The following KYNU variants were observed in gnomAD, a reference collection of about 807,000 sequenced individuals.
KYNU encodes kynureninase.
Under a neutral mutation model 59.2 loss-of-function variants are expected in KYNU, and 54 were observed. That is an observed-to-expected ratio of 0.91 (90% CI 0.73 to 1.14). KYNU has a LOEUF of 1.14. Among genes scored for constraint, KYNU ranks in the 50% most tolerant of loss-of-function variants. The probability of loss-of-function intolerance (pLI) is 0.00; values close to 1 mark genes in which losing one functional copy is unlikely to be tolerated. For synonymous variants in KYNU, 177 were observed against 192.0 expected, an observed-to-expected ratio of 0.92 and a Z score of 0.65; for missense variants, 567 against 554.4, an observed-to-expected ratio of 1.02 and a Z score of -0.23.
chr2:142,889,828 G>A (rs916717236), intron 2 of KYNU, among the ~76,000 whole-genome samples: 1 of 151,586 alleles, frequency 6.6e-6, no homozygotes, highest in African/African-American at 2.4e-5. Flanking sequence ...AAACAGAACA[G>A]AAATAAACAA....
At chr2:142,986,161 C>T in intron 10 of KYNU, 140 bp downstream of exon 10, 1 of 643,676 alleles carries the variant, frequency 1.6e-6, no homozygotes, top group Non-Finnish European at 2.8e-6. Flanking sequence ...ACTCTGCTAA[C>T]AACAATATAC....
intron 8 of KYNU, among the ~76,000 whole-genome samples, chr2:142,965,571 C>A (rs1429107844): frequency 1.3e-5 from 2 of 152,116 alleles, no homozygotes; most frequent in African/African-American, 2.4e-5. Flanking sequence ...ATCCAGAAAT[C>A]TCATTTCTAT....
chr2:142,915,223 C>T (rs1397320103), intron 2 of KYNU, among the ~76,000 whole-genome samples: 5 of 152,250 alleles, frequency 3.3e-5, no homozygotes, highest in East Asian at 1.9e-4. Flanking sequence ...TTAACTACTT[C>T]AGGAAACTGG....
chr2:143,035,711 C>T (rs968096521), intron 12 of KYNU, among the ~76,000 whole-genome samples: 1 of 152,212 alleles, frequency 6.6e-6, no homozygotes, highest in South Asian at 2.1e-4. Context: ...CCTGCCCCCA[C>T]CTTCCAGGTA....
intron 10 of KYNU, 27 bp downstream of exon 10, chr2:142,986,048 T>G: frequency 6.6e-7 from 1 of 1,515,998 alleles, no homozygotes; most frequent in Non-Finnish European, 9.2e-7. Flanking sequence ...GCTAATTCTT[T>G]GGTGATGAAC....
intron 2 of KYNU, among the ~76,000 whole-genome samples, chr2:142,887,258 C>T (rs1307668109): frequency 6.6e-6 from 1 of 152,130 alleles, no homozygotes; most frequent in Non-Finnish European, 1.5e-5. Context: ...GAGATATCAC[C>T]TCACACCCTT....
intron 10 of KYNU, among the ~76,000 whole-genome samples, chr2:143,021,927 C>A (rs1475318911): frequency 6.6e-6 from 1 of 152,046 alleles, no homozygotes; most frequent in Non-Finnish European, 1.5e-5. Flanking sequence ...GAATGCAGGT[C>A]TTGAACACTT....
chr2:142,935,936 G>A lies in KYNU; in HGVS notation c.373+8195G>A, dbSNP rs1253394130. On this transcript the variant is annotated intron_variant, in intron 4 of 13. Coordinates refer to ENST00000264170, the MANE Select transcript of KYNU (RefSeq NM_003937.3). Reference sequence around the variant, plus strand: ...GTACAGGCAATGCTAGAATTGTCCTGATGGGACGGTGTAGGAAAAGAAGTG... The same window carrying A: ...GTACAGGCAATGCTAGAATTGTCCTAATGGGACGGTGTAGGAAAAGAAGTG... Among the ~76,000 whole-genome samples the A allele has an allele frequency of 3.3e-5, 5 of 152,282 alleles. No homozygotes were observed. The East Asian group carries it at 5.8e-4, about 18-fold the overall frequency.
At chr2:143,002,785 C>A (rs1480174562) in intron 10 of KYNU, among the ~76,000 whole-genome samples, 1 of 152,044 alleles carries the variant, frequency 6.6e-6, no homozygotes, top group African/African-American at 2.4e-5. Flanking sequence ...AAATGCCAAG[C>A]AGTACATTTT....
chr2:142,943,063 G>A (rs1307219963), intron 4 of KYNU, among the ~76,000 whole-genome samples: 1 of 151,826 alleles, frequency 6.6e-6, no homozygotes, highest in Non-Finnish European at 1.5e-5. Flanking sequence ...TGCTGATCAC[G>A]AGTTTCAGGT....
chr2:143,028,243 C>CTTTTTTTTTTTT (rs754504556), intron 10 of KYNU, among the ~76,000 whole-genome samples: 9 of 90,442 alleles, frequency 1.0e-4, no homozygotes, highest in Admixed American at 5.1e-4. Context: ...ATTTTACATT[C>CTTTTTTTTTTTT]TTTTTTTTTT....
intron 10 of KYNU, among the ~76,000 whole-genome samples, chr2:143,005,413 G>A (rs955737172): frequency 3.3e-5 from 5 of 152,158 alleles, no homozygotes; most frequent in Non-Finnish European, 1.5e-5. Context: ...CTGCTCATAA[G>A]AGTTTCCAGC....
intron 2 of KYNU, among the ~76,000 whole-genome samples, chr2:142,907,637 G>A (rs999486823): frequency 6.6e-6 from 1 of 152,224 alleles, no homozygotes; most frequent in Non-Finnish European, 1.5e-5. Context: ...CCCAAAGGGG[G>A]TTGCCACTCC....
rs537147146 is a variant in KYNU, at chr2:143,040,450, A to G, written c.1064A>G (p.Lys355Arg). The part of the protein sequence containing the change: ...SLEIFKQATM[K>R]ALRKKSVLLT... ...CAGATCTTTAAGCAAGCGACAATGA[A>G]GGCATTGCGGAAAAAATCTGTTTTG... is the stretch of plus-strand genomic sequence containing the variant. The change falls in exon 13 of 14, where the codon AAG (lysine) becomes AGG (arginine). Residue 355 changes from lysine (K) to arginine (R), a missense_variant. Physicochemically the swap from Lys to Arg is conservative, Grantham distance 26 (BLOSUM62 2). Coordinates refer to ENST00000264170, the MANE Select transcript of KYNU (RefSeq NM_003937.3). The G allele has an allele frequency of 1.2e-6, 2 of 1,612,346 alleles. No individual in the cohort carries two copies. Among genetic ancestry groups the G allele is most frequent in the South Asian group, 2.2e-5 (2 of 91,040 alleles).
intron 2 of KYNU, among the ~76,000 whole-genome samples, chr2:142,916,006 C>A (rs554700089): frequency 6.6e-6 from 1 of 151,990 alleles, no homozygotes; most frequent in Non-Finnish European, 1.5e-5. Context: ...CAAGAGATGG[C>A]CATCTGTAAG....
chr2:143,041,981 C>G (rs1687069797), intron 13 of KYNU, 66 bp from the exon 14 acceptor site: 3 of 1,537,984 alleles, frequency 2.0e-6, no homozygotes, highest in Admixed American at 1.7e-5. Flanking sequence ...ATAAGTTTAT[C>G]TGGAATGTAG....
intron 1 of KYNU, among the ~76,000 whole-genome samples, chr2:142,884,852 G>A (rs566352930): frequency 2.0e-4 from 28 of 143,204 alleles, no homozygotes; most frequent in South Asian, 1.1e-3. Context: ...GATTACAGGC[G>A]CCTGCCACCA....
At chr2:142,903,657 A>G (rs936471418) in intron 2 of KYNU, among the ~76,000 whole-genome samples, 4 of 152,202 alleles carry the variant, frequency 2.6e-5, no homozygotes, top group African/African-American at 9.6e-5. Context: ...GGGCTCTGTG[A>G]GGGTGATGGC....
At chr2:142,964,502 G>A (rs1212412603) in intron 8 of KYNU, among the ~76,000 whole-genome samples, 1 of 152,100 alleles carries the variant, frequency 6.6e-6, no homozygotes, top group Non-Finnish European at 1.5e-5. Context: ...GTAATGCGTG[G>A]CAGTTTTATT....
Sources: gnomAD v4.1 joint callset for allele counts (sites outside exome capture counted in the v4.1 genomes callset) on GRCh38, gnomAD v4.1.1 for gene constraint, MANE v1.5 for transcripts, NCBI Gene and HGNC (gene_info 2026-07-23, HGNC 2026-07-21) for gene names.